PFKL: variants seen among roughly 807,000 people sequenced by gnomAD.
PFKL encodes ATP-dependent 6-phosphofructokinase, liver type.
PFKL carries 74 observed loss-of-function variants against 92.1 expected under a neutral mutation model. The ratio of observed to expected loss-of-function variants is 0.80; its 90% CI spans 0.67 to 0.97. The LOEUF is 0.97. Ranked by LOEUF, PFKL falls within the 50% of genes least tolerant of loss-of-function variation. The pLI is 0.00. For missense variants in PFKL, 1,028 were observed against 1,116.6 expected (o/e 0.92, Z 1.13); for synonymous variants, 494 against 456.4 (o/e 1.08, Z -1.05).
intron 7 of PFKL, 200 bp downstream of exon 7, chr21:44,314,221 C>A (rs1032778821): frequency 1.2e-5 from 7 of 579,916 alleles, no homozygotes; most frequent in East Asian, 2.9e-5. Context: ...GGTCCTGCCC[C>A]CAGTGGGCAG....
chr21:44,304,970 C>G (rs56168965), intron 1 of PFKL, among the ~76,000 whole-genome samples: 58,265 of 152,014 alleles, frequency 0.38, 11,714 homozygotes, highest in East Asian at 0.59. Context: ...GCTCCCTGCA[C>G]GCTCTGTGCT....
In PFKL at chr21:44,324,079, C is replaced by T. The variant is rs370013987; in HGVS notation, c.1650+161C>T. 1.3e-4 allele frequency among the ~76,000 whole-genome samples: 20 copies of T among 152,230 alleles called. No homozygotes were observed. The East Asian group carries it at 3.5e-3, about 27-fold the overall frequency. ...GGCCCGGGTGAAGGGGCTCAGCTCC[C>T]TGCCATAGCCACTTCCAGGTCCAGG... On this transcript the variant is annotated intron_variant, in intron 16 of 21. Transcript: ENST00000349048.
At chr21:44,308,436 T>C (rs75233077) in intron 2 of PFKL, among the ~76,000 whole-genome samples, 214 of 152,180 alleles carry the variant, frequency 1.4e-3, no homozygotes, top group African/African-American at 4.9e-3. Flanking sequence ...AAAAGCGGAT[T>C]AATAGGGCAG....
intron 1 of PFKL, among the ~76,000 whole-genome samples, chr21:44,303,105 G>A (rs1013400363): frequency 1.3e-5 from 2 of 152,112 alleles, no homozygotes; most frequent in African/African-American, 4.8e-5. Context: ...ATGGTGGTGC[G>A]CATCTGTAAT....
intron 1 of PFKL, chr21:44,305,877 C>G (rs2040921439): frequency 7.3e-7 from 1 of 1,365,620 alleles, no homozygotes; most frequent in Non-Finnish European, 9.8e-7. Flanking sequence ...GGCAAGGGGA[C>G]AGGAAAGAGG....
Position 44,327,349 on chromosome 21 carries a change from T to C in PFKL, c.*487T>C, listed in dbSNP as rs892633862. The C allele has an allele frequency of 5.7e-6, 1 of 176,078 alleles. No homozygotes were observed. The highest frequency in any genetic ancestry group is 1.2e-5 in the Non-Finnish European group (1 of 80,942). 10.9% of individuals were successfully genotyped at this position (176,078 alleles called of 1,614,324 possible). A position where few individuals can be genotyped will look rare whatever the true frequency, so the allele number is the denominator to read the frequency against. On this transcript the variant is annotated 3_prime_UTR_variant, in exon 22 of 22. Coordinates refer to ENST00000349048, the MANE Select transcript of PFKL (RefSeq NM_002626.6). ...TTTCTAGAAATAAAATCACCCTGACTGTGGGGTGCATCGGTCTCCGGAGAG... is the reference window on the plus strand; with the variant it reads ...TTTCTAGAAATAAAATCACCCTGACCGTGGGGTGCATCGGTCTCCGGAGAG...
At chr21:44,311,356 G>A (rs1228359611) in intron 3 of PFKL, among the ~76,000 whole-genome samples, 2 of 146,636 alleles carry the variant, frequency 1.4e-5, no homozygotes, top group Non-Finnish European at 3.0e-5. Flanking sequence ...ACACACAGAC[G>A]TGCACACAGA....
At position 44,327,096 on chromosome 21, in the gene PFKL, A is replaced by C. The variant is rs1206359002; in HGVS notation, c.*234A>C. 1 of 569,078 alleles carries C rather than the reference A, an allele frequency of 1.8e-6. No homozygotes were observed. The highest frequency in any genetic ancestry group is 3.2e-6 in the Non-Finnish European group (1 of 316,962). 35.3% of individuals were successfully genotyped at this position (569,078 alleles called of 1,614,324 possible). A position where few individuals can be genotyped will look rare whatever the true frequency, so the allele number is the denominator to read the frequency against. On this transcript the variant is annotated 3_prime_UTR_variant, in exon 22 of 22. Coordinates refer to ENST00000349048, the MANE Select transcript of PFKL (RefSeq NM_002626.6). ...GAGGACAGAGTGCCCTGGGGCATCC[A>C]CCTTCCTGCCCAGGGGACGTGGCGC...
chr21:44,321,522 G>A (rs1240127212), intron 12 of PFKL: 5 of 453,274 alleles, frequency 1.1e-5, no homozygotes, highest in South Asian at 5.3e-5. Context: ...GGCTTGCACC[G>A]TGTCTCTTTT....
intron 11 of PFKL, 189 bp from the exon 12 acceptor site, chr21:44,319,890 CGTGTT>C (rs777823302): frequency 5.3e-6 from 3 of 568,430 alleles, no homozygotes; most frequent in Non-Finnish European, 9.5e-6. Flanking sequence ...GGCGTGGCCT[CGTGTT>C]GTGTTGGGGG....
In PFKL at chr21:44,324,850, C is replaced by G. The variant is rs751248284; in HGVS notation, c.1816-6C>G. The stretch of plus-strand genomic sequence containing the variant: ...TCCGGCTCATCCGTGTCCGCCCCTC[C>G]CGCAGGTCAACGTGGAGCACATGAC... On this transcript the variant is annotated splice_polypyrimidine_tract_variant and splice_region_variant and intron_variant, in intron 17 of 21. Coordinates refer to ENST00000349048, the MANE Select transcript of PFKL (RefSeq NM_002626.6). The G allele has an allele frequency of 5.0e-6, 8 of 1,606,564 alleles. No homozygotes were observed. The highest frequency in any genetic ancestry group is 5.9e-6 in the Non-Finnish European group (7 of 1,176,610).
At chr21:44,307,873 G>A (rs2040999075) in intron 2 of PFKL, among the ~76,000 whole-genome samples, 1 of 152,240 alleles carries the variant, frequency 6.6e-6, no homozygotes, top group Non-Finnish European at 1.5e-5. Context: ...AGTGGCAAAG[G>A]GGAGAAATTA....
In PFKL at chr21:44,316,164, AGGGCTCCTGGCACCCGG is replaced by A; in HGVS notation, c.748-74_748-58del. The A allele has an allele frequency of 3.0e-6, 4 of 1,314,522 alleles. No homozygotes were observed. In the South Asian group the frequency reaches 4.7e-5, roughly 16 times the overall value. The allele number at this position is 1,314,522 out of a possible 1,614,324, so 81.4% of individuals were successfully genotyped here. The stretch of plus-strand genomic sequence containing the variant: ...TGGGTTGGGAATGGTGGCCCCAGGG[AGGGCTCCTGGCACCCGG>A]GGGCTGTGTCCGGGGCAGGTTTCCC... On this transcript the variant is annotated intron_variant, in intron 7 of 21. Transcript: ENST00000349048.
In PFKL at chr21:44,323,873, C is replaced by G; in HGVS notation, c.1605C>G (p.Thr535=). 6.2e-7 allele frequency: 1 copy of G among 1,613,542 alleles called. No homozygotes were observed. The highest frequency in any genetic ancestry group is 8.5e-7 in the Non-Finnish European group (1 of 1,179,962). Residue 535 remains threonine (T), a synonymous_variant, in exon 16 of 22, where the codon ACC becomes ACG. Coordinates refer to ENST00000349048, the MANE Select transcript of PFKL (RefSeq NM_002626.6). Reference sequence around the variant, plus strand: ...CCATCAGCAACAACGTCCCTGGCACCGACTTCAGCCTGGGCTCCGACACTG... The same window carrying G: ...CCATCAGCAACAACGTCCCTGGCACGGACTTCAGCCTGGGCTCCGACACTG... ...PATISNNVPG[T]DFSLGSDTAV...
chr21:44,321,020 G>A (rs1442749113), intron 12 of PFKL: 2 of 152,282 alleles, frequency 1.3e-5, no homozygotes, highest in Non-Finnish European at 1.5e-5. Context: ...CCTCCGTGGT[G>A]GGGCAACCTG....
intron 3 of PFKL, among the ~76,000 whole-genome samples, chr21:44,311,537 C>T (rs1377052820): frequency 6.6e-6 from 1 of 152,228 alleles, no homozygotes; most frequent in East Asian, 1.9e-4. Context: ...GAGTCACACA[C>T]ACACGTGCCC....
rs1189819740 is a variant in PFKL at position 44,318,229 on chromosome 21, C to T, written c.937-241C>T. ...TGGGTGGGTCGCATTGCATGGCACC[C>T]TGCAGCCAGCAGTGCAGGCTGGGCC... On this transcript the variant is annotated intron_variant, in intron 9 of 21. Transcript: ENST00000349048. Among the ~76,000 whole-genome samples the T allele has an allele frequency of 2.0e-5, 3 of 152,336 alleles. No homozygotes were observed. In the East Asian group the frequency reaches 5.8e-4, roughly 29 times the overall value.
chr21:44,325,412 C>T (rs767622881), intron 19 of PFKL, 148 bp downstream of exon 19: 57 of 631,248 alleles, frequency 9.0e-5, no homozygotes, highest in Non-Finnish European at 1.3e-4. Context: ...GTGAGGGGAC[C>T]GAGGCCTGTA....
In PFKL at chr21:44,312,995, A is replaced by G. The variant is rs2047091679; in HGVS notation, c.445A>G (p.Thr149Ala). ...TGGCCCAGGTAAGATCTCAGAGACT[A>G]CAGCCCGGACCTACTCGCACCTGAA... ...LVAEGKISETTARTYSHLNIA... is the reference protein window; with the variant it reads ...LVAEGKISETAARTYSHLNIA... Residue 149 changes from threonine to alanine, a missense_variant, in exon 5 of 22, where the codon ACA becomes GCA. Transcript: ENST00000349048. The G allele has an allele frequency of 6.2e-7, 1 of 1,612,998 alleles. No homozygotes were observed.
Sources: gnomAD v4.1 joint callset for allele counts (sites outside exome capture counted in the v4.1 genomes callset) on GRCh38, gnomAD v4.1.1 for gene constraint, MANE v1.5 for transcripts, NCBI Gene and HGNC (gene_info 2026-07-23, HGNC 2026-07-21) for gene names.